The following PPP1R15A variants were observed in gnomAD, a reference collection of about 807,000 sequenced individuals.
PPP1R15A encodes protein phosphatase 1 regulatory subunit 15A.
A neutral mutation model predicts 48.5 loss-of-function variants in PPP1R15A; 43 were observed. The observed-to-expected ratio is 0.89, with a 90% CI of 0.69 to 1.14. PPP1R15A has a LOEUF of 1.14. Among genes scored for constraint, PPP1R15A ranks in the 50% most tolerant of loss-of-function variants. The pLI, the probability that PPP1R15A is intolerant of heterozygous loss-of-function variation, is 0.00. For synonymous variants in PPP1R15A, 327 were observed against 327.4 expected, an observed-to-expected ratio of 1.00 and a Z score of 0.01; for missense variants, 868 against 847.2, an observed-to-expected ratio of 1.02 and a Z score of -0.30.
chr19:48,872,662 G>T lies in PPP1R15A; in HGVS notation c.-10+11G>T, dbSNP rs1294900825. ...CGCAGCTCCCAGCCGGTGAGTAAGGGGTCGGAACGCCTGGGTCCCCACGGG... is the reference window on the plus strand; with the variant it reads ...CGCAGCTCCCAGCCGGTGAGTAAGGTGTCGGAACGCCTGGGTCCCCACGGG... On this transcript the variant is annotated intron_variant, in intron 1 of 2. Transcript: ENST00000200453. 1 of 352,060 alleles carries T rather than the reference G, an allele frequency of 2.8e-6. No homozygotes were observed. Among genetic ancestry groups the T allele is most frequent in the Non-Finnish European group, 5.8e-6 (1 of 173,114 alleles). 21.8% of individuals were successfully genotyped at this position (352,060 alleles called of 1,614,324 possible). A position where few individuals can be genotyped will look rare whatever the true frequency, so the allele number is the denominator to read the frequency against.
chr19:48,873,604 C>T lies in PPP1R15A; in HGVS notation c.371C>T (p.Thr124Ile). Residue 124 changes from threonine (T) to isoleucine (I), a missense_variant, in exon 2 of 3, where the codon ACC (threonine) becomes ATC (isoleucine). Coordinates refer to ENST00000200453, the MANE Select transcript of PPP1R15A (RefSeq NM_014330.5). ...DDGMYGEREA[T>I]SVPRGQGSQF... ...GGCATGTATGGTGAGCGAGAGGCAACCAGTGTCCCTAGAGGGCAGGGAAGT... is the reference window on the plus strand; with the variant it reads ...GGCATGTATGGTGAGCGAGAGGCAATCAGTGTCCCTAGAGGGCAGGGAAGT... The T allele has an allele frequency of 1.2e-6, 2 of 1,614,100 alleles. No homozygotes were observed. The highest frequency in any genetic ancestry group is 1.7e-6 in the Non-Finnish European group (2 of 1,180,004).
Position 48,874,568 on chromosome 19 carries a change from T to C in PPP1R15A, c.1335T>C (p.Asp445=), listed in dbSNP as rs769283098. 3.7e-6 allele frequency: 6 copies of C among 1,613,826 alleles called. No individual in the cohort carries two copies. The African/African-American group carries it at 5.3e-5, about 14-fold the overall frequency. ...GAGAGGACACGGAGGAGGAGGAAGA[T>C]GAGGATGTGGATAGTGAGGATAAGG... ...RPGEDTEEEE[D]EDVDSEDKED... Residue 445 remains aspartate (D), a synonymous_variant, in exon 2 of 3, where the codon GAT becomes GAC. Transcript: ENST00000200453.
In PPP1R15A at chr19:48,872,660, G is replaced by A; in HGVS notation, c.-10+9G>A. 1 of 357,118 alleles carries A rather than the reference G, an allele frequency of 2.8e-6. No individual in the cohort carries two copies. 22.1% of individuals were successfully genotyped at this position (357,118 alleles called of 1,614,324 possible). A position where few individuals can be genotyped will look rare whatever the true frequency, so the allele number is the denominator to read the frequency against. On this transcript the variant is annotated intron_variant, in intron 1 of 2. Transcript: ENST00000200453. ...CGCGCAGCTCCCAGCCGGTGAGTAA[G>A]GGGTCGGAACGCCTGGGTCCCCACG...
chr19:48,875,406 A>G (rs1484153499), intron 2 of PPP1R15A: 2 of 694,492 alleles, frequency 2.9e-6, no homozygotes, highest in East Asian at 5.6e-5. Flanking sequence ...TGTGGCTCAC[A>G]GCAGCCCCAG....
chr19:48,875,929 GCTGCTGC>G lies in PPP1R15A; in HGVS notation c.1982_1988del (p.Ala661GlufsTer28). On this transcript the variant is annotated frameshift_variant, in exon 3 of 3. Transcript: ENST00000200453. LOFTEE classifies it low-confidence loss of function (END_TRUNC). ...TGTGGCCACACCTTCCCGCTCGTCT[GCTGCTGC>G]AGCGGCTGCCCTGGACCTCAGTGGG... The G allele has an allele frequency of 6.2e-7, 1 of 1,608,986 alleles. No individual in the cohort carries two copies. The highest frequency in any genetic ancestry group is 8.5e-7 in the Non-Finnish European group (1 of 1,176,134).
At chr19:48,875,521 T>C (rs1599955723) in intron 2 of PPP1R15A, 93 bp from the exon 3 acceptor site, 3 of 1,449,148 alleles carry the variant, frequency 2.1e-6, no homozygotes, top group Non-Finnish European at 2.8e-6. Flanking sequence ...TAACTAATTT[T>C]TGTTTGCTTC....
chr19:48,873,038 A>G lies in PPP1R15A; in HGVS notation c.-9-187A>G, dbSNP rs796464875. On this transcript the variant is annotated intron_variant, in intron 1 of 2. Transcript: ENST00000200453. ...GAACTAGGGGCTCAGACTCCTGGCT[A>G]TTGAGAGATAAGAACAGAGCCAAGG... Among the ~76,000 whole-genome samples the G allele has an allele frequency of 5.9e-5, 9 of 152,216 alleles. 1 individual carries two copies. Among genetic ancestry groups the G allele is most frequent in the African/African-American group, 1.2e-4 (5 of 41,530 alleles).
In PPP1R15A at chr19:48,872,519, T is replaced by G. The variant is rs1352559052; in HGVS notation, c.-142T>G. On this transcript the variant is annotated 5_prime_UTR_variant, in exon 1 of 3. Coordinates refer to ENST00000200453, the MANE Select transcript of PPP1R15A (RefSeq NM_014330.5). ...CGGCACTTGAGGCAGCCGGAGATAC[T>G]CTGAGTTACTCGGAGCCCGACGCCT... The G allele has an allele frequency of 6.6e-6, 3 of 456,234 alleles. No homozygotes were observed. The highest frequency in any genetic ancestry group is 1.3e-5 in the Non-Finnish European group (3 of 226,714). The allele number at this position is 456,234 out of a possible 1,614,324, so 28.3% of individuals were successfully genotyped here. A position where few individuals can be genotyped will look rare whatever the true frequency, so the allele number is the denominator to read the frequency against.
chr19:48,875,400 G>C, intron 2 of PPP1R15A: 1 of 659,880 alleles, frequency 1.5e-6, no homozygotes, highest in Non-Finnish European at 2.5e-6. Flanking sequence ...AGCAGCTGTG[G>C]CTCACAGCAG....
Position 48,873,613 on chromosome 19 carries a change from C to T in PPP1R15A, c.380C>T (p.Pro127Leu). The change falls in exon 2 of 3, where the codon CCT (proline) becomes CTT (leucine). Residue 127 changes from proline (P) to leucine (L), a missense_variant. Physicochemically the swap from Pro to Leu is moderately conservative, Grantham distance 98. Coordinates refer to ENST00000200453, the MANE Select transcript of PPP1R15A (RefSeq NM_014330.5). ...MYGEREATSV[P>L]RGQGSQFADG... is the part of the protein sequence containing the mutation. ...GGTGAGCGAGAGGCAACCAGTGTCC[C>T]TAGAGGGCAGGGAAGTCAATTTGCA... The T allele has an allele frequency of 6.2e-7, 1 of 1,614,052 alleles. No homozygotes were observed. The highest frequency in any genetic ancestry group is 8.5e-7 in the Non-Finnish European group (1 of 1,179,982).
rs500079 is a variant in PPP1R15A, at chr19:48,875,737, A to T, written c.1789A>T (p.Thr597Ser). ...RDRSRFARRI[T>S]QAQEELSPCL... ...TCGCAGCCGCTTCGCACGCCGCATCACCCAGGCCCAGGAGGAGCTGAGCCC... is the reference window on the plus strand; with the variant it reads ...TCGCAGCCGCTTCGCACGCCGCATCTCCCAGGCCCAGGAGGAGCTGAGCCC... Residue 597 changes from threonine to serine, a missense_variant, in exon 3 of 3, where the codon ACC becomes TCC. By Grantham distance (58) the Thr-to-Ser change is moderately conservative (BLOSUM62 1). Transcript: ENST00000200453. 2 of 1,613,208 alleles carry T rather than the reference A, an allele frequency of 1.2e-6. No homozygotes were observed. Among genetic ancestry groups the T allele is most frequent in the Non-Finnish European group, 1.7e-6 (2 of 1,179,662 alleles).
chr19:48,874,889 G>A lies in PPP1R15A; in HGVS notation c.1656G>A (p.Lys552=). 4.5e-6 allele frequency: 7 copies of A among 1,555,746 alleles called. No individual in the cohort carries two copies. Among genetic ancestry groups the A allele is most frequent in the Non-Finnish European group, 6.0e-6 (7 of 1,157,870 alleles). ...THDPDPETPL[K]ARKVRFSEKV... is the part of the protein sequence containing the mutation. ...ATCCGGACCCTGAGACTCCCCTAAA[G>A]GCCAGAAAGGTAGGTGCTGAGAGCC... The change falls in exon 2 of 3, where the codon AAG becomes AAA. Residue 552 remains lysine (K), a synonymous_variant. Transcript: ENST00000200453.
intron 2 of PPP1R15A, chr19:48,875,294 G>C: frequency 2.5e-6 from 1 of 394,452 alleles, no homozygotes; most frequent in Non-Finnish European, 4.6e-6. Flanking sequence ...CTGGGTCCCT[G>C]TATGTTGCAG....
At position 48,874,234 on chromosome 19, in the gene PPP1R15A, C is replaced by T; in HGVS notation, c.1001C>T (p.Pro334Leu). The T allele has an allele frequency of 6.2e-7, 1 of 1,614,184 alleles. No homozygotes were observed. The highest frequency in any genetic ancestry group is 8.5e-7 in the Non-Finnish European group (1 of 1,180,042). ...GCTGAGTGTCCTCCCTGCATCCCCC[C>T]ACCAAGTGCCTTCCTGAAGGCCTGG... is the stretch of plus-strand genomic sequence containing the variant. ...GEAECPPCIP[P>L]PSAFLKAWVY... The change falls in exon 2 of 3, where the codon CCA becomes CTA. Residue 334 changes from proline to leucine, a missense_variant. Physicochemically the swap from Pro to Leu is moderately conservative, Grantham distance 98 (BLOSUM62 -3). Coordinates refer to ENST00000200453, the MANE Select transcript of PPP1R15A (RefSeq NM_014330.5).
chr19:48,873,137 C>A lies in PPP1R15A; in HGVS notation c.-9-88C>A, dbSNP rs2037028854. ...GTTGCTATTTACAATAGTTGTGTTA[C>A]TATTTCCGTTGCTATGACTCATAGT... On this transcript the variant is annotated intron_variant, in intron 1 of 2. Transcript: ENST00000200453. 4 of 1,403,842 alleles carry A rather than the reference C, an allele frequency of 2.8e-6. No individual in the cohort carries two copies. In the Admixed American group the frequency reaches 1.2e-4, roughly 41 times the overall value. The allele number at this position is 1,403,842 out of a possible 1,614,324, so 87.0% of individuals were successfully genotyped here.
Position 48,874,215 on chromosome 19 carries a change from T to G in PPP1R15A, c.982T>G (p.Cys328Gly), listed in dbSNP as rs201957583. The change falls in exon 2 of 3, where the codon TGT (cysteine) becomes GGT (glycine). Residue 328 changes from cysteine to glycine, a missense_variant. Coordinates refer to ENST00000200453, the MANE Select transcript of PPP1R15A (RefSeq NM_014330.5). ...GAAEKDGEAE[C>G]PPCIPPPSAF... The stretch of plus-strand genomic sequence containing the variant: ...AGCTGAGAAGGATGGAGAAGCTGAG[T>G]GTCCTCCCTGCATCCCCCCACCAAG... 1 of 1,613,882 alleles carries G rather than the reference T, an allele frequency of 6.2e-7. No individual in the cohort carries two copies. Among genetic ancestry groups the G allele is most frequent in the East Asian group, 2.2e-5 (1 of 44,872 alleles).
chr19:48,872,428 T>C lies in PPP1R15A; in HGVS notation c.-233T>C, dbSNP rs778840608. On this transcript the variant is annotated 5_prime_UTR_variant, in exon 1 of 3. Coordinates refer to ENST00000200453, the MANE Select transcript of PPP1R15A (RefSeq NM_014330.5). ...GTGGCCATTGTGTTCGTTGCTCTTA[T>C]CGGTTCCCATCCCAGTTGTTGATCT... 2.2e-6 allele frequency: 1 copy of C among 456,480 alleles called. No individual in the cohort carries two copies. The highest frequency in any genetic ancestry group is 1.5e-5 in the South Asian group (1 of 64,558). The allele number at this position is 456,480 out of a possible 1,614,324, so 28.3% of individuals were successfully genotyped here. A position where few individuals can be genotyped will look rare whatever the true frequency, so the allele number is the denominator to read the frequency against.
chr19:48,873,753 G>C lies in PPP1R15A; in HGVS notation c.520G>C (p.Val174Leu), dbSNP rs760685236. 2 of 1,614,070 alleles carry C rather than the reference G, an allele frequency of 1.2e-6. No individual in the cohort carries two copies. The highest frequency in any genetic ancestry group is 2.2e-5 in the South Asian group (2 of 91,082). The change falls in exon 2 of 3, where the codon GTT becomes CTT. Residue 174 changes from valine (V) to leucine (L), a missense_variant. By Grantham distance (32) the Val-to-Leu change is conservative. Transcript: ENST00000200453. Reference sequence around the variant, plus strand: ...AGAGGGAGTTGCTGAAGAGGAGGGAGTTAACAAGTTCTCTTATCCACCATC... The same window carrying C: ...AGAGGGAGTTGCTGAAGAGGAGGGACTTAACAAGTTCTCTTATCCACCATC... ...EEEGVAEEEG[V>L]NKFSYPPSHR... is the part of the protein sequence containing the mutation.
rs1187990361 is a variant in PPP1R15A, at chr19:48,874,816, C to G, written c.1583C>G (p.Pro528Arg). 6.2e-7 allele frequency: 1 copy of G among 1,613,436 alleles called. No homozygotes were observed. The highest frequency in any genetic ancestry group is 8.5e-7 in the Non-Finnish European group (1 of 1,179,896). Residue 528 changes from proline to arginine, a missense_variant, in exon 2 of 3, where the codon CCC becomes CGC. By Grantham distance (103) the Pro-to-Arg change is moderately radical. Transcript: ENST00000200453. ...CCTCCCTGGGCTCCTCCTAGGCTGC[C>G]CCTCCGACTGCAAAGGCGGCTCAAG... The part of the protein sequence containing the change: ...PPPPWAPPRL[P>R]LRLQRRLKRP...
Sources: gnomAD v4.1 joint callset for allele counts (sites outside exome capture counted in the v4.1 genomes callset) on GRCh38, gnomAD v4.1.1 for gene constraint, MANE v1.5 for transcripts, NCBI Gene and HGNC (gene_info 2026-07-23, HGNC 2026-07-21) for gene names.